CEP170: variants seen among roughly 807,000 people sequenced by gnomAD.
CEP170 encodes the protein centrosomal protein 170.
Under a neutral mutation model 151.9 loss-of-function variants are expected in CEP170, and 21 were observed. The observed-to-expected ratio is 0.14, with a 90% CI of 0.10 to 0.20. The LOEUF is 0.20. CEP170 is among the 10% of genes least tolerant of loss of function. The pLI is 1.00. For missense variants in CEP170, 964 were observed against 1,892.9 expected (o/e 0.51, Z 9.11); for synonymous variants, 356 against 648.8 (o/e 0.55, Z 6.86).
At chr1:243,228,113 G>C (rs1483998984) in intron 1 of CEP170, among the ~76,000 whole-genome samples, 1 of 151,970 alleles carries the variant, frequency 6.6e-6, no homozygotes, top group Non-Finnish European at 1.5e-5. Context: ...TGAATTAGAG[G>C]CAAACTATAC....
chr1:243,249,608 A>G (rs1268354902), intron 1 of CEP170, among the ~76,000 whole-genome samples: 1 of 152,188 alleles, frequency 6.6e-6, no homozygotes, highest in Non-Finnish European at 1.5e-5. Flanking sequence ...TGAACACTTG[A>G]AAACAAATGT....
intron 1 of CEP170, among the ~76,000 whole-genome samples, chr1:243,235,664 G>T (rs2064184632): frequency 6.7e-6 from 1 of 149,494 alleles, no homozygotes; most frequent in South Asian, 2.1e-4. Flanking sequence ...ACTTAAATCT[G>T]ATATAGCATT....
At position 243,186,285 on chromosome 1, in the gene CEP170, T is replaced by C. The variant is rs1330909318; in HGVS notation, c.1246A>G (p.Thr416Ala). The C allele has an allele frequency of 4.3e-6, 7 of 1,613,682 alleles. No individual in the cohort carries two copies. In the African/African-American group the frequency reaches 8.0e-5, roughly 18 times the overall value. ...ACAGCTTGGTCTTGATGCTTTTCAG[T>C]AGCCTGGACCTTCTGTAGCTTTTTG... ...EHKKLQKVQATEKHQDQAVTS... is the reference protein window; with the variant it reads ...EHKKLQKVQAAEKHQDQAVTS... The change falls in exon 9 of 20, where the codon ACT (threonine) becomes GCT (alanine). Residue 416 changes from threonine to alanine, a missense_variant. Physicochemically the swap from Thr to Ala is moderately conservative, Grantham distance 58. Coordinates refer to ENST00000366542, the MANE Select transcript of CEP170 (RefSeq NM_014812.3).
At chr1:243,187,447 C>G (rs1428931584) in intron 8 of CEP170, among the ~76,000 whole-genome samples, 1 of 152,148 alleles carries the variant, frequency 6.6e-6, no homozygotes, top group African/African-American at 2.4e-5. Flanking sequence ...TTATTCTGTG[C>G]ATGTTTTAAA....
At chr1:243,190,459 T>C (rs1457364813) in intron 8 of CEP170, among the ~76,000 whole-genome samples, 1 of 152,162 alleles carries the variant, frequency 6.6e-6, no homozygotes, top group Non-Finnish European at 1.5e-5. Context: ...GAAGTCCTAA[T>C]ATTAAAAAAA....
rs866809224 is a variant in CEP170, at chr1:243,164,216, T to A, written c.3676+68A>T. ...GACAACTAGAACCTTACTTTTTTTTTTAAAAAAAAAAAGGAGCCCCCAAAT... is the reference window on the plus strand; with the variant it reads ...GACAACTAGAACCTTACTTTTTTTTATAAAAAAAAAAAGGAGCCCCCAAAT... On this transcript the variant is annotated intron_variant, in intron 13 of 19. Coordinates refer to ENST00000366542, the MANE Select transcript of CEP170 (RefSeq NM_014812.3). 3,469 of 1,192,350 alleles carry A rather than the reference T, an allele frequency of 2.9e-3. 40 individuals carry two copies. In the African/African-American group the frequency reaches 0.049, roughly 17 times the overall value. The allele number at this position is 1,192,350 out of a possible 1,614,324, so 73.9% of individuals were successfully genotyped here.
intron 10 of CEP170, among the ~76,000 whole-genome samples, chr1:243,182,221 T>C (rs1479663966): frequency 1.3e-5 from 2 of 152,036 alleles, no homozygotes; most frequent in Non-Finnish European, 1.5e-5. Context: ...CTCTACCATG[T>C]TTTGACCCAG....
At chr1:243,210,563 A>C (rs1443337506) in intron 4 of CEP170, among the ~76,000 whole-genome samples, 2 of 149,420 alleles carry the variant, frequency 1.3e-5, no homozygotes, top group Non-Finnish European at 3.0e-5. Flanking sequence ...ACAAAACTTT[A>C]ATTTTAGATT....
chr1:243,248,649 T>G (rs752201933), intron 1 of CEP170, among the ~76,000 whole-genome samples: 48 of 152,316 alleles, frequency 3.2e-4, no homozygotes, highest in Non-Finnish European at 5.7e-4. Flanking sequence ...GTCGCTCTAG[T>G]CTAAGCCATT....
chr1:243,232,998 T>G (rs1000498665), intron 1 of CEP170, among the ~76,000 whole-genome samples: 6 of 152,214 alleles, frequency 3.9e-5, no homozygotes, highest in African/African-American at 7.2e-5. Flanking sequence ...ACCTAGAAAT[T>G]TCCAGGGGCA....
At chr1:243,144,399 A>G (rs371653310) in intron 14 of CEP170, among the ~76,000 whole-genome samples, 59 of 152,314 alleles carry the variant, frequency 3.9e-4, no homozygotes, top group African/African-American at 1.4e-3. Flanking sequence ...TACATCTCAC[A>G]TGATTGCTCC....
At chr1:243,140,556 T>C (rs1317765040) in intron 15 of CEP170, 3 of 152,644 alleles carry the variant, frequency 2.0e-5, no homozygotes, top group Non-Finnish European at 4.4e-5. Context: ...GATACATAAA[T>C]TGCAAATTCC....
chr1:243,212,010 A>G, intron 3 of CEP170, 46 bp from the exon 4 acceptor site: 1 of 1,377,140 alleles, frequency 7.3e-7, no homozygotes, highest in African/African-American at 1.5e-5. Context: ...TGAGGTATTA[A>G]TTCTTACATT....
intron 12 of CEP170, among the ~76,000 whole-genome samples, chr1:243,166,863 C>T (rs1216001204): frequency 3.9e-5 from 6 of 152,170 alleles, no homozygotes; most frequent in African/African-American, 1.4e-4. Context: ...CATTACCTCA[C>T]GTACTTATCT....
chr1:243,166,452 T>A (rs1357988676), intron 12 of CEP170: 6 of 211,176 alleles, frequency 2.8e-5, no homozygotes, highest in Non-Finnish European at 4.8e-5. Context: ...GGGGACGCAA[T>A]CATTTCTTTT....
intron 1 of CEP170, among the ~76,000 whole-genome samples, chr1:243,250,871 G>C (rs1346363110): frequency 1.3e-5 from 2 of 152,148 alleles, no homozygotes; most frequent in African/African-American, 4.8e-5. Flanking sequence ...AATAAGGAAA[G>C]GGACAATTTC....
At chr1:243,231,183 TCATCATC>T (rs2063716019) in intron 1 of CEP170, among the ~76,000 whole-genome samples, 6 of 130,284 alleles carry the variant, frequency 4.6e-5, no homozygotes, top group African/African-American at 1.0e-4. Flanking sequence ...ATCATCATCA[TCATCATC>T]ATTATTATTA....
intron 10 of CEP170, among the ~76,000 whole-genome samples, chr1:243,180,464 T>A (rs1057170073): frequency 1.3e-5 from 2 of 152,090 alleles, no homozygotes; most frequent in African/African-American, 4.8e-5. Context: ...AAGAAAAAAT[T>A]CTCAATACAG....
At chr1:243,228,869 G>C (rs1326615554) in intron 1 of CEP170, among the ~76,000 whole-genome samples, 1 of 151,978 alleles carries the variant, frequency 6.6e-6, no homozygotes, top group Non-Finnish European at 1.5e-5. Context: ...ACTTTAATAA[G>C]ACTTAAAAGA....
Sources: gnomAD v4.1 joint callset for allele counts (sites outside exome capture counted in the v4.1 genomes callset) on GRCh38, gnomAD v4.1.1 for gene constraint, MANE v1.5 for transcripts, NCBI Gene and HGNC (gene_info 2026-07-23, HGNC 2026-07-21) for gene names.